HS6ST3: variants seen among roughly 807,000 people sequenced by gnomAD.
The protein encoded by HS6ST3 is heparan-sulfate 6-O-sulfotransferase 3.
In HS6ST3, 12 loss-of-function variants were observed where a neutral mutation model predicts 36.7. The observed-to-expected ratio is 0.33, with a 90% CI of 0.21 to 0.53. The LOEUF (loss-of-function observed/expected upper bound fraction) is 0.53, where lower values mean the gene tolerates loss of function less well. Ranked by LOEUF, HS6ST3 falls within the 20% of genes least tolerant of loss-of-function variation. HS6ST3 has a pLI of 0.95. For synonymous variants in HS6ST3, 240 were observed against 257.5 expected, an observed-to-expected ratio of 0.93 and a Z score of 0.65; for missense variants, 584 against 640.9, an observed-to-expected ratio of 0.91 and a Z score of 0.96.
intron 1 of HS6ST3, among the ~76,000 whole-genome samples, chr13:96,824,716 T>A (rs541630205): frequency 1.9e-4 from 29 of 152,288 alleles, no homozygotes; most frequent in African/African-American, 6.5e-4. Context: ...TTCACTTTTT[T>A]AAAATGCACA....
intron 1 of HS6ST3, among the ~76,000 whole-genome samples, chr13:96,695,700 G>T (rs1875108971): frequency 6.6e-6 from 1 of 150,472 alleles, no homozygotes; most frequent in Non-Finnish European, 1.5e-5. Context: ...GCCTCCCAAA[G>T]TGCTAGGATT....
intron 1 of HS6ST3, among the ~76,000 whole-genome samples, chr13:96,385,202 AT>A (rs1277515758): frequency 2.7e-5 from 4 of 148,218 alleles, no homozygotes; most frequent in East Asian, 4.0e-4. Flanking sequence ...AAAAGAAAAG[AT>A]TTTTTTCAAG....
chr13:96,094,993 C>G (rs1458583464), intron 1 of HS6ST3, among the ~76,000 whole-genome samples: 1 of 152,072 alleles, frequency 6.6e-6, no homozygotes, highest in East Asian at 1.9e-4. Flanking sequence ...TCCTTTTTAG[C>G]ATTCTTGAGT....
intron 1 of HS6ST3, among the ~76,000 whole-genome samples, chr13:96,215,248 C>G (rs2054419012): frequency 6.6e-6 from 1 of 152,230 alleles, no homozygotes; most frequent in Non-Finnish European, 1.5e-5. Context: ...CAGGGACTCC[C>G]TCCTTGCGAT....
rs569374707 is a variant in HS6ST3 at position 96,543,477 on chromosome 13, T to A, written c.708-289013T>A. Among the ~76,000 whole-genome samples, 8 of 152,340 alleles carry A rather than the reference T, an allele frequency of 5.3e-5. No homozygotes were observed. In the South Asian group the frequency reaches 8.3e-4, roughly 16 times the overall value. On this transcript the variant is annotated intron_variant, in intron 1 of 1. Coordinates refer to ENST00000376705, the MANE Select transcript of HS6ST3 (RefSeq NM_153456.4). ...AACCATTTAACAACTTCATGAGTCT[T>A]CTTGACTGGCAGATGTTTGCTCTTT...
At chr13:96,136,546 A>T (rs1215921757) in intron 1 of HS6ST3, among the ~76,000 whole-genome samples, 1 of 151,882 alleles carries the variant, frequency 6.6e-6, no homozygotes, top group Non-Finnish European at 1.5e-5. Flanking sequence ...CATTTATGAG[A>T]ACTCCACCGC....
chr13:96,696,437 A>C (rs1875129825), intron 1 of HS6ST3, among the ~76,000 whole-genome samples: 1 of 152,240 alleles, frequency 6.6e-6, no homozygotes, highest in South Asian at 2.1e-4. Context: ...GTTGACACTT[A>C]AGACTGACCA....
chr13:96,696,162 T>C (rs562172317), intron 1 of HS6ST3, among the ~76,000 whole-genome samples: 2 of 152,170 alleles, frequency 1.3e-5, no homozygotes, highest in South Asian at 4.2e-4. Context: ...AAATATGAAA[T>C]CCATAGGCCA....
intron 1 of HS6ST3, among the ~76,000 whole-genome samples, chr13:96,256,332 C>T (rs976595983): frequency 1.2e-4 from 18 of 152,188 alleles, no homozygotes; most frequent in African/African-American, 2.9e-4. Flanking sequence ...GGGAACTACA[C>T]GTTCCATTTT....
rs1220149574 is a variant in HS6ST3 at position 96,532,733 on chromosome 13, G to A, written c.708-299757G>A. ...CTGAACAAAAGAAGGTGGTTGACCC[G>A]AACTTCAGGAAGTCAAAAAATTACT... On this transcript the variant is annotated intron_variant, in intron 1 of 1. Coordinates refer to ENST00000376705, the MANE Select transcript of HS6ST3 (RefSeq NM_153456.4). Among the ~76,000 whole-genome samples, 13 of 152,172 alleles carry A rather than the reference G, an allele frequency of 8.5e-5. No homozygotes were observed. In the East Asian group the frequency reaches 2.3e-3, roughly 27 times the overall value.
At chr13:96,145,572 G>A (rs1026994009) in intron 1 of HS6ST3, among the ~76,000 whole-genome samples, 1 of 151,916 alleles carries the variant, frequency 6.6e-6, no homozygotes, top group Non-Finnish European at 1.5e-5. Flanking sequence ...CAGATGAGTA[G>A]GTTGCAAAAA....
At chr13:96,198,292 G>A (rs2054324092) in intron 1 of HS6ST3, among the ~76,000 whole-genome samples, 1 of 152,174 alleles carries the variant, frequency 6.6e-6, no homozygotes, top group African/African-American at 2.4e-5. Context: ...TGTGATGGGA[G>A]GGGCTGCCAT....
At chr13:96,739,637 G>T (rs999047804) in intron 1 of HS6ST3, among the ~76,000 whole-genome samples, 1 of 151,954 alleles carries the variant, frequency 6.6e-6, no homozygotes, top group Non-Finnish European at 1.5e-5. Context: ...ATCCAGAATC[G>T]GACCATTTCT....
intron 1 of HS6ST3, among the ~76,000 whole-genome samples, chr13:96,742,796 C>A (rs1360853334): frequency 1.3e-5 from 2 of 152,028 alleles, no homozygotes; most frequent in African/African-American, 4.8e-5. Flanking sequence ...GATGAAGACA[C>A]ATTTTATATG....
intron 1 of HS6ST3, among the ~76,000 whole-genome samples, chr13:96,762,088 A>T (rs868217528): frequency 6.6e-6 from 1 of 152,150 alleles, no homozygotes; most frequent in Non-Finnish European, 1.5e-5. Flanking sequence ...GTATATGTGT[A>T]AACTAATGAG....
At chr13:96,407,338 G>T (rs2055483748) in intron 1 of HS6ST3, among the ~76,000 whole-genome samples, 1 of 152,070 alleles carries the variant, frequency 6.6e-6, no homozygotes, top group African/African-American at 2.4e-5. Context: ...CTTAAACTTG[G>T]CTCTTGGATA....
intron 1 of HS6ST3, among the ~76,000 whole-genome samples, chr13:96,259,312 T>G (rs2054652944): frequency 6.6e-6 from 1 of 152,078 alleles, no homozygotes; most frequent in Non-Finnish European, 1.5e-5. Context: ...CATTGGAACC[T>G]GTGGAGGATT....
At chr13:96,701,119 G>T (rs1016744911) in intron 1 of HS6ST3, among the ~76,000 whole-genome samples, 1 of 152,190 alleles carries the variant, frequency 6.6e-6, no homozygotes, top group Non-Finnish European at 1.5e-5. Flanking sequence ...ATAATCATCA[G>T]TGGTTTTAAA....
intron 1 of HS6ST3, among the ~76,000 whole-genome samples, chr13:96,238,306 A>G (rs1475829148): frequency 6.6e-6 from 1 of 152,166 alleles, no homozygotes; most frequent in Non-Finnish European, 1.5e-5. Context: ...GCCAAGCCAC[A>G]TCATCCCTTA....
Sources: allele counts gnomAD v4.1 joint callset (sites outside exome capture counted in the v4.1 genomes callset), GRCh38; gene constraint gnomAD v4.1.1; transcripts MANE v1.5; gene names NCBI Gene and HGNC (gene_info 2026-07-23, HGNC 2026-07-21).